Variants in SRGAP1 observed in about 807,000 individuals in gnomAD.
SRGAP1 encodes SLIT-ROBO Rho GTPase-activating protein 1.
SRGAP1 carries 43 observed loss-of-function variants against 121.9 expected under a neutral mutation model. The ratio of observed to expected loss-of-function variants is 0.35; its 90% CI spans 0.28 to 0.46. The LOEUF is 0.46. SRGAP1 is among the 20% of genes least tolerant of loss of function. The pLI is 1.00. For synonymous variants in SRGAP1, 447 were observed against 485.4 expected, an observed-to-expected ratio of 0.92 and a Z score of 1.04; for missense variants, 1,102 against 1,350.9, an observed-to-expected ratio of 0.82 and a Z score of 2.89.
intron 5 of SRGAP1, 119 bp from the exon 6 acceptor site, chr12:64,043,328 G>C: frequency 4.0e-6 from 4 of 998,806 alleles, no homozygotes; most frequent in Non-Finnish European, 4.3e-6. Context: ...AGGACTTTCA[G>C]GGTCATTTGT....
intron 18 of SRGAP1, among the ~76,000 whole-genome samples, chr12:64,121,678 T>C (rs1361321230): frequency 6.6e-6 from 1 of 152,204 alleles, no homozygotes; most frequent in African/African-American, 2.4e-5. Flanking sequence ...GTTTCCCTGC[T>C]TTCCCCAGTA....
At chr12:64,081,978 TCCCTCACAGTGTCATGTAAGG>T (rs2035851780) in intron 10 of SRGAP1, 2 of 144,782 alleles carry the variant, frequency 1.4e-5, no homozygotes, top group African/African-American at 2.5e-5. Context: ...TTTTCTTTTT[TCCCTCACAGTGTCATGTAAGG>T]TCTTTTTTTT....
At chr12:64,117,371 T>C (rs1238999407) in intron 18 of SRGAP1, among the ~76,000 whole-genome samples, 1 of 152,218 alleles carries the variant, frequency 6.6e-6, no homozygotes, top group Non-Finnish European at 1.5e-5. Context: ...TTTTTTTATT[T>C]GATTTGTAAG....
intron 19 of SRGAP1, 103 bp from the exon 20 acceptor site, chr12:64,127,487 T>C (rs528427869): frequency 2.1e-4 from 251 of 1,176,952 alleles, no homozygotes; most frequent in Middle Eastern, 4.8e-4. Context: ...TGCTATTTCA[T>C]ACATAAATGC....
intron 10 of SRGAP1, among the ~76,000 whole-genome samples, chr12:64,086,774 T>C (rs1424468508): frequency 6.6e-6 from 1 of 151,748 alleles, no homozygotes; most frequent in Non-Finnish European, 1.5e-5. Context: ...GAAACATGAT[T>C]CTCAAATCTA....
chr12:63,892,043 A>G (rs1900603938), intron 1 of SRGAP1, among the ~76,000 whole-genome samples: 1 of 152,026 alleles, frequency 6.6e-6, no homozygotes, highest in African/African-American at 2.4e-5. Context: ...TAGAAAAAAT[A>G]TTCATTCCAG....
chr12:64,087,882 G>C (rs1292157149), intron 11 of SRGAP1, among the ~76,000 whole-genome samples: 1 of 152,118 alleles, frequency 6.6e-6, no homozygotes, highest in Non-Finnish European at 1.5e-5. Context: ...TCATTCAGGG[G>C]AGGATTGTGA....
chr12:63,888,563 C>T (rs913961269), intron 1 of SRGAP1: 3 of 152,118 alleles, frequency 2.0e-5, no homozygotes, highest in Admixed American at 1.3e-4. Flanking sequence ...TAAAACCTGA[C>T]GAGAGCTTTA....
chr12:64,086,950 A>T (rs958805031), intron 10 of SRGAP1, 49 bp from the exon 11 acceptor site: 2 of 1,442,258 alleles, frequency 1.4e-6, no homozygotes, highest in Admixed American at 3.4e-5. Context: ...TACCACATAC[A>T]CTCTGCTGAT....
At chr12:63,962,502 G>A (rs1344111608) in intron 1 of SRGAP1, among the ~76,000 whole-genome samples, 1 of 152,072 alleles carries the variant, frequency 6.6e-6, no homozygotes, top group East Asian at 1.9e-4. Flanking sequence ...CTGCCTCCCG[G>A]GTTCAAGCAA....
intron 1 of SRGAP1, among the ~76,000 whole-genome samples, chr12:63,963,925 A>G (rs1009935611): frequency 2.0e-5 from 3 of 152,248 alleles, no homozygotes; most frequent in Admixed American, 6.5e-5. Flanking sequence ...TCATTTTTTA[A>G]ATCAACAGGT....
intron 1 of SRGAP1, among the ~76,000 whole-genome samples, chr12:63,874,587 T>C (rs1899968923): frequency 1.3e-5 from 2 of 152,076 alleles, no homozygotes; most frequent in Non-Finnish European, 1.5e-5. Context: ...ATTAATAAAA[T>C]ACAGTATATA....
intron 1 of SRGAP1, among the ~76,000 whole-genome samples, chr12:63,955,144 C>G (rs2032424104): frequency 6.6e-6 from 1 of 152,030 alleles, no homozygotes; most frequent in African/African-American, 2.4e-5. Flanking sequence ...ATGGTGAAAC[C>G]CCATCTCTAC....
At chr12:63,856,109 T>A (rs1328476304) in intron 1 of SRGAP1, among the ~76,000 whole-genome samples, 2 of 151,986 alleles carry the variant, frequency 1.3e-5, no homozygotes, top group African/African-American at 2.4e-5. Flanking sequence ...AATACAAAAA[T>A]TAGCTGGGCA....
Position 64,157,725 on chromosome 12 carries a change from T to A in SRGAP1, c.*15053T>A, listed in dbSNP as rs923710983. On this transcript the variant is annotated 3_prime_UTR_variant, in exon 22 of 22. Transcript: ENST00000355086. ...AATGTGGGGCTCTGTAGGCAATAGA[T>A]CTAGGTCAGATACTGGCTCAATTGT... 2 of 152,154 alleles carry A rather than the reference T, an allele frequency of 1.3e-5. No homozygotes were observed. Among genetic ancestry groups the A allele is most frequent in the African/African-American group, 4.8e-5 (2 of 41,504 alleles). The allele number at this position is 152,154 out of a possible 1,614,324, so 9.4% of individuals were successfully genotyped here. A position where few individuals can be genotyped will look rare whatever the true frequency, so the allele number is the denominator to read the frequency against.
intron 4 of SRGAP1, among the ~76,000 whole-genome samples, chr12:64,020,114 C>T (rs1047095353): frequency 2.0e-5 from 3 of 152,130 alleles, no homozygotes; most frequent in Non-Finnish European, 4.4e-5. Context: ...ATTGCTCCCA[C>T]AGCAATTGTT....
chr12:63,940,420 G>T (rs1356524412), intron 1 of SRGAP1, among the ~76,000 whole-genome samples: 1 of 146,694 alleles, frequency 6.8e-6, no homozygotes, highest in Non-Finnish European at 1.5e-5. Context: ...AAAAAAAAAA[G>T]GCTGAGCAGA....
chr12:63,999,340 G>A (rs1205122761), intron 3 of SRGAP1, among the ~76,000 whole-genome samples: 2 of 152,194 alleles, frequency 1.3e-5, no homozygotes, highest in Non-Finnish European at 2.9e-5. Flanking sequence ...GTTTAAACAC[G>A]ATAGTGACGT....
At chr12:64,134,629 T>C (rs1475178812) in intron 21 of SRGAP1, among the ~76,000 whole-genome samples, 1 of 152,118 alleles carries the variant, frequency 6.6e-6, no homozygotes, top group East Asian at 1.9e-4. Context: ...CAGTGGGCCA[T>C]CTTTCAATCC....
Sources: gnomAD v4.1 joint callset for allele counts (sites outside exome capture counted in the v4.1 genomes callset) on GRCh38, gnomAD v4.1.1 for gene constraint, MANE v1.5 for transcripts, NCBI Gene and HGNC (gene_info 2026-07-23, HGNC 2026-07-21) for gene names.